PTPRG: variants seen among roughly 807,000 people sequenced by gnomAD.
PTPRG encodes receptor-type tyrosine-protein phosphatase gamma.
In PTPRG, 102 loss-of-function variants were observed where a neutral mutation model predicts 165.3. That is an observed-to-expected ratio of 0.62 (90% CI 0.53 to 0.73). The LOEUF (loss-of-function observed/expected upper bound fraction) is 0.73. Among genes scored for constraint, PTPRG ranks in the 30% least tolerant of loss-of-function variants. PTPRG has a pLI of 0.00. For missense variants in PTPRG, 1,866 were observed against 1,861.4 expected (o/e 1.00, Z -0.05); for synonymous variants, 675 against 669.5 (o/e 1.01, Z -0.13).
chr3:61,787,052 G>A (rs2034724986), intron 2 of PTPRG, among the ~76,000 whole-genome samples: 1 of 151,974 alleles, frequency 6.6e-6, no homozygotes, highest in African/African-American at 2.4e-5. Flanking sequence ...TCCTCATAAC[G>A]TAGGCTAAAA....
intron 4 of PTPRG, among the ~76,000 whole-genome samples, chr3:62,027,778 A>G (rs1699614051): frequency 6.6e-6 from 1 of 152,228 alleles, no homozygotes; most frequent in Non-Finnish European, 1.5e-5. Context: ...ATTTTTTTAA[A>G]AAAAGGATTT....
At position 62,237,730 on chromosome 3, in the gene PTPRG, G is replaced by A. The variant is rs377502603; in HGVS notation, c.2376-6077G>A. Among the ~76,000 whole-genome samples, 88 of 152,192 alleles carry A rather than the reference G, an allele frequency of 5.8e-4. No homozygotes were observed. The highest frequency in any genetic ancestry group is 2.1e-3 in the African/African-American group (85 of 41,442). On this transcript the variant is annotated intron_variant, in intron 14 of 29. Coordinates refer to ENST00000474889, the MANE Select transcript of PTPRG (RefSeq NM_002841.4). The surrounding 1 kb of genome is among the most constrained non-coding windows in gnomAD (Gnocchi z 4.5). ...CCCATGTGGGCTTTTAAGAAGCCAT[G>A]CATACTTGCACATTGCTACCATCAG...
At chr3:61,887,424 T>G (rs1030278531) in intron 2 of PTPRG, among the ~76,000 whole-genome samples, 1 of 152,080 alleles carries the variant, frequency 6.6e-6, no homozygotes, top group Non-Finnish European at 1.5e-5. Flanking sequence ...CACTTAGAGA[T>G]TTCCCAGTGT....
intron 2 of PTPRG, among the ~76,000 whole-genome samples, chr3:61,858,168 T>C (rs2037166753): frequency 1.3e-5 from 2 of 152,232 alleles, no homozygotes; most frequent in South Asian, 4.1e-4. Flanking sequence ...ATGTTTATTA[T>C]CTTTTGTAAG....
At chr3:62,218,786 G>T in intron 12 of PTPRG, 65 bp from the exon 13 acceptor site, 1 of 1,539,346 alleles carries the variant, frequency 6.5e-7, no homozygotes, top group Non-Finnish European at 8.8e-7. Flanking sequence ...ACAGAACTCT[G>T]CATCAATTCT....
intron 15 of PTPRG, among the ~76,000 whole-genome samples, chr3:62,251,806 C>T (rs1291127062): frequency 6.6e-6 from 1 of 152,092 alleles, no homozygotes; most frequent in African/African-American, 2.4e-5. Flanking sequence ...TTCAATGGAC[C>T]TGGGTTCAAA....
chr3:61,933,761 A>G (rs1390010285), intron 2 of PTPRG, among the ~76,000 whole-genome samples: 1 of 152,230 alleles, frequency 6.6e-6, no homozygotes, highest in Non-Finnish European at 1.5e-5. Context: ...TCTCACCAGT[A>G]GCCATAGGAA....
chr3:62,023,759 C>G (rs1455643709), intron 4 of PTPRG, among the ~76,000 whole-genome samples: 1 of 152,086 alleles, frequency 6.6e-6, no homozygotes, highest in African/African-American at 2.4e-5. Flanking sequence ...TAAAACCTAC[C>G]TACTGTTTTG....
chr3:62,042,415 C>G (rs1167334751), intron 4 of PTPRG, among the ~76,000 whole-genome samples: 1 of 152,148 alleles, frequency 6.6e-6, no homozygotes, highest in African/African-American at 2.4e-5. Flanking sequence ...TGCCAAAACC[C>G]CTTCTGAATT....
intron 1 of PTPRG, among the ~76,000 whole-genome samples, chr3:61,614,418 C>CTTTTTTTTTT (rs550755163): frequency 1.7e-5 from 2 of 117,688 alleles, no homozygotes; most frequent in Non-Finnish European, 3.3e-5. Flanking sequence ...TTAATAATAC[C>CTTTTTTTTTT]TTTTTTTTTT....
At chr3:61,779,770 A>G (rs1293070482) in intron 2 of PTPRG, among the ~76,000 whole-genome samples, 2 of 152,026 alleles carry the variant, frequency 1.3e-5, no homozygotes, top group Non-Finnish European at 1.5e-5. Context: ...AAGCACTTAT[A>G]TTTTTATTTT....
chr3:61,676,212 C>G (rs1703210407), intron 1 of PTPRG, among the ~76,000 whole-genome samples: 1 of 151,850 alleles, frequency 6.6e-6, no homozygotes, highest in Non-Finnish European at 1.5e-5. Flanking sequence ...AATCCCAGCA[C>G]TTTGGGAGGC....
At chr3:61,961,264 T>G (rs1299479106) in intron 2 of PTPRG, among the ~76,000 whole-genome samples, 1 of 152,170 alleles carries the variant, frequency 6.6e-6, no homozygotes, top group African/African-American at 2.4e-5. Flanking sequence ...GATTCACTTA[T>G]TATTCATTGG....
Position 61,725,601 on chromosome 3 carries a change from T to C in PTPRG, c.86-23277T>C, listed in dbSNP as rs148669979. On this transcript the variant is annotated intron_variant, in intron 1 of 29. Coordinates refer to ENST00000474889, the MANE Select transcript of PTPRG (RefSeq NM_002841.4). ...CTCAGCCTATACCACATAGTCTTGA[T>C]AACTTTAGATATAGAACAAGTCTTG... Among the ~76,000 whole-genome samples the C allele has an allele frequency of 4.4e-3, 664 of 152,170 alleles. 6 individuals are homozygous for C. Among genetic ancestry groups the C allele is most frequent in the African/African-American group, 0.015 (631 of 41,488 alleles).
At chr3:61,695,436 A>G (rs1410878749) in intron 1 of PTPRG, among the ~76,000 whole-genome samples, 1 of 152,158 alleles carries the variant, frequency 6.6e-6, no homozygotes, top group African/African-American at 2.4e-5. Flanking sequence ...GGTTAGGGTT[A>G]TGGGTAGGGT....
chr3:61,606,612 A>G (rs1032817511), intron 1 of PTPRG, among the ~76,000 whole-genome samples: 4 of 152,192 alleles, frequency 2.6e-5, no homozygotes, highest in Admixed American at 1.3e-4. Flanking sequence ...AAGAAGAGAA[A>G]TTAATTTTCT....
intron 2 of PTPRG, among the ~76,000 whole-genome samples, chr3:61,845,660 G>C (rs1280097346): frequency 6.6e-6 from 1 of 152,166 alleles, no homozygotes; most frequent in Non-Finnish European, 1.5e-5. Context: ...AGCTCTCTTT[G>C]GTTCTCTGTT....
intron 5 of PTPRG, among the ~76,000 whole-genome samples, chr3:62,089,224 T>A (rs1467269717): frequency 6.6e-6 from 1 of 152,228 alleles, no homozygotes; most frequent in Admixed American, 6.5e-5. Flanking sequence ...TCACATAGAT[T>A]ATATTTTAAG....
chr3:61,814,248 C>T (rs72880460), intron 2 of PTPRG, among the ~76,000 whole-genome samples: 1,959 of 152,230 alleles, frequency 0.013, 14 homozygotes, highest in African/African-American at 0.022. Context: ...AAAGCTAAGG[C>T]GCCTTTCTAA....
Sources: allele counts gnomAD v4.1 joint callset (sites outside exome capture counted in the v4.1 genomes callset), GRCh38; gene constraint gnomAD v4.1.1; non-coding constraint Gnocchi (gnomAD v3.1); transcripts MANE v1.5; gene names NCBI Gene and HGNC (gene_info 2026-07-23, HGNC 2026-07-21).